Variants in LAMA1 observed in about 807,000 individuals in gnomAD.
The protein encoded by LAMA1 is laminin subunit alpha 1.
LAMA1 carries 219 observed loss-of-function variants against 348.7 expected under a neutral mutation model. That is an observed-to-expected ratio of 0.63 (90% CI 0.56 to 0.70). The LOEUF (loss-of-function observed/expected upper bound fraction) is 0.70. LAMA1 is among the 30% of genes least tolerant of loss of function. The pLI is 0.00. For missense variants in LAMA1, 3,744 were observed against 3,888.0 expected, an observed-to-expected ratio of 0.96 and a Z score of 0.99; for synonymous variants, 1,487 against 1,491.0, an observed-to-expected ratio of 1.00 and a Z score of 0.06.
At chr18:7,026,310 T>G (rs1229376515) in intron 16 of LAMA1, among the ~76,000 whole-genome samples, 1 of 152,200 alleles carries the variant, frequency 6.6e-6, no homozygotes, top group Non-Finnish European at 1.5e-5. Context: ...TCTGAGAGCT[T>G]TCTCTCTGAC....
intron 17 of LAMA1, among the ~76,000 whole-genome samples, chr18:7,024,778 A>G (rs989704327): frequency 1.8e-4 from 28 of 152,044 alleles, no homozygotes; most frequent in South Asian, 2.1e-4. Context: ...CCAGTGCCCA[A>G]CTCAGCTGAT....
chr18:7,032,277 T>G, intron 15 of LAMA1, 101 bp from the exon 16 acceptor site: 1 of 756,548 alleles, frequency 1.3e-6, no homozygotes, highest in Non-Finnish European at 2.4e-6. Flanking sequence ...ACATCTTAAC[T>G]GAGGTATCAT....
At chr18:7,079,280 C>T (rs2058183374) in intron 3 of LAMA1, 3 of 152,696 alleles carry the variant, frequency 2.0e-5, no homozygotes, top group African/African-American at 7.2e-5. Context: ...CTCTCTTTTT[C>T]ATTCCTTCCA....
chr18:6,986,424 T>A (rs1027023458), intron 36 of LAMA1, 77 bp from the exon 37 acceptor site: 18 of 1,316,256 alleles, frequency 1.4e-5, no homozygotes, highest in East Asian at 4.7e-5. Flanking sequence ...GTGGAAAAAA[T>A]TTTTACGTAT....
chr18:6,971,986 T>C lies in LAMA1; in HGVS notation c.6775-5A>G, dbSNP rs371614087. ...AACCTTCACAGCAGGAGATTTCTAA[T>C]GCAAACAAGCAAACAAACATAACCA... is the stretch of plus-strand genomic sequence containing the variant. On this transcript the variant is annotated splice_region_variant and splice_polypyrimidine_tract_variant and intron_variant, in intron 47 of 62. Coordinates refer to ENST00000389658, the MANE Select transcript of LAMA1 (RefSeq NM_005559.4). The C allele has an allele frequency of 4.3e-6, 7 of 1,613,888 alleles. No homozygotes were observed. The highest frequency in any genetic ancestry group is 1.1e-5 in the South Asian group (1 of 91,086).
At chr18:7,018,250 C>A (rs557736642) in intron 19 of LAMA1, among the ~76,000 whole-genome samples, 4 of 134,014 alleles carry the variant, frequency 3.0e-5, no homozygotes, top group African/African-American at 1.2e-4. Flanking sequence ...GCAGGAGAAT[C>A]TCGTGAACCT....
intron 58 of LAMA1, among the ~76,000 whole-genome samples, chr18:6,949,653 TTTAGTGG>T (rs1482277517): frequency 6.6e-6 from 1 of 152,186 alleles, no homozygotes; most frequent in Non-Finnish European, 1.5e-5. Context: ...ATGGGAGGAA[TTTAGTGG>T]ATAGTTTAAC....
In LAMA1 at chr18:6,985,597, A is replaced by C; in HGVS notation, c.5426T>G (p.Leu1809Arg). The change falls in exon 38 of 63, where the codon CTC (leucine) becomes CGC (arginine). Residue 1809 changes from leucine (L) to arginine (R), a missense_variant. Transcript: ENST00000389658. ...VQEEQNLTSELIVQGRGLIDA... is the reference protein window; with the variant it reads ...VQEEQNLTSERIVQGRGLIDA... ...TATCAATCCTCTTCCTTGGACAATG[A>C]GCTCTGAGGTCAGATTTTGTTCTTC... The C allele has an allele frequency of 4.3e-6, 7 of 1,614,116 alleles. No individual in the cohort carries two copies. The highest frequency in any genetic ancestry group is 5.9e-6 in the Non-Finnish European group (7 of 1,180,012).
At chr18:6,977,673 G>A (rs777702416) in intron 44 of LAMA1, 54 bp downstream of exon 44, 122 of 1,608,498 alleles carry the variant, frequency 7.6e-5, no homozygotes, top group Non-Finnish European at 1.0e-4. Flanking sequence ...GAATTCCCTG[G>A]GACCCCACAT....
At chr18:7,049,017 G>T (rs769117337) in intron 5 of LAMA1, 61 bp downstream of exon 5, 93 of 1,497,350 alleles carry the variant, frequency 6.2e-5, no homozygotes, top group Non-Finnish European at 8.2e-5. Context: ...AAAAATAATA[G>T]TTCCTTTAAA....
chr18:7,034,685 G>A lies in LAMA1; in HGVS notation c.1845C>T (p.Asn615=), dbSNP rs749456518. 17 of 1,611,956 alleles carry A rather than the reference G, an allele frequency of 1.1e-5. No individual in the cohort carries two copies. Among genetic ancestry groups the A allele is most frequent in the Middle Eastern group, 3.3e-4 (2 of 6,080 alleles). ...MSHADVIIKG[N]GLTLSTQAEG... is the part of the protein sequence containing the mutation. ...CAGCCTGTGTGCTTAAAGTGAGTCC[G>A]TTTCCCTAACATTTAAAAACAAGAG... Residue 615 remains asparagine, a synonymous_variant, in exon 14 of 63, where the codon AAC becomes AAT. Coordinates refer to ENST00000389658, the MANE Select transcript of LAMA1 (RefSeq NM_005559.4).
chr18:7,073,233 G>A (rs2058153135), intron 3 of LAMA1, among the ~76,000 whole-genome samples: 1 of 152,100 alleles, frequency 6.6e-6, no homozygotes, highest in Non-Finnish European at 1.5e-5. Flanking sequence ...ATTTCACAGT[G>A]TATTAACTTT....
intron 18 of LAMA1, among the ~76,000 whole-genome samples, chr18:7,023,721 G>A (rs1248322747): frequency 1.3e-5 from 2 of 152,164 alleles, no homozygotes; most frequent in Non-Finnish European, 2.9e-5. Context: ...CTGGCCTTCA[G>A]GAGCCAGAAG....
At chr18:6,971,463 C>G (rs961411406) in intron 48 of LAMA1, among the ~76,000 whole-genome samples, 1 of 152,086 alleles carries the variant, frequency 6.6e-6, no homozygotes, top group African/African-American at 2.4e-5. Flanking sequence ...TTGTGGCTCT[C>G]TGAGACAGAA....
chr18:6,980,809 T>C (rs1238530688), intron 41 of LAMA1, among the ~76,000 whole-genome samples, 172 bp from the exon 42 acceptor site: 2 of 152,046 alleles, frequency 1.3e-5, no homozygotes, highest in Non-Finnish European at 2.9e-5. Context: ...AAATTAAGAG[T>C]ATGGGCCAGG....
chr18:7,103,346 A>T (rs1009999625), intron 1 of LAMA1, among the ~76,000 whole-genome samples: 1 of 151,956 alleles, frequency 6.6e-6, no homozygotes, highest in Admixed American at 6.6e-5. Context: ...CGGAGCTTGC[A>T]GTGAGCTGAG....
chr18:7,098,374 G>A (rs1223913698), intron 1 of LAMA1, among the ~76,000 whole-genome samples: 3 of 150,974 alleles, frequency 2.0e-5, no homozygotes, highest in African/African-American at 4.9e-5. Context: ...GAGCGTCTCC[G>A]CCCGGCCGCC....
At chr18:7,065,362 T>G (rs989159095) in intron 3 of LAMA1, among the ~76,000 whole-genome samples, 8 of 151,552 alleles carry the variant, frequency 5.3e-5, no homozygotes, top group African/African-American at 1.9e-4. Flanking sequence ...CTCTAAAAAA[T>G]AGTCTATTAT....
chr18:7,038,997 C>G (rs1273791084), intron 10 of LAMA1, 47 bp from the exon 11 acceptor site: 1 of 1,496,436 alleles, frequency 6.7e-7, no homozygotes, highest in Non-Finnish European at 9.3e-7. Context: ...ATGTGTCTGT[C>G]CAGAGAGAAT....
Sources: gnomAD v4.1 joint callset for allele counts (sites outside exome capture counted in the v4.1 genomes callset) on GRCh38, gnomAD v4.1.1 for gene constraint, MANE v1.5 for transcripts, NCBI Gene and HGNC (gene_info 2026-07-23, HGNC 2026-07-21) for gene names.